NRDC: variants seen among roughly 807,000 people sequenced by gnomAD.
NRDC encodes nardilysin convertase, also known as nardilysin.
In NRDC, 54 loss-of-function variants were observed where a neutral mutation model predicts 147.1. The observed-to-expected ratio is 0.37, with a 90% CI of 0.29 to 0.46. The LOEUF is 0.46. NRDC is among the 20% of genes least tolerant of loss of function. NRDC has a pLI of 1.00. For missense variants in NRDC, 1,082 were observed against 1,370.6 expected (o/e 0.79, Z 3.33); for synonymous variants, 440 against 482.1 (o/e 0.91, Z 1.14).
chr1:51,809,236 C>T, intron 17 of NRDC, 79 bp downstream of exon 17: 3 of 894,720 alleles, frequency 3.4e-6, no homozygotes, highest in Admixed American at 3.9e-5. Context: ...TCCTACGATA[C>T]TTTGTAAAAT....
chr1:51,814,547 T>C lies in NRDC; in HGVS notation c.1619+4A>G, dbSNP rs1679872480. On this transcript the variant is annotated splice_donor_region_variant and intron_variant, in intron 13 of 30. Transcript: ENST00000352171. ...CTGGCCTCATTCCAGGAAGTGTTTA[T>C]TACCTTTTTTCTGGGCCTAGCTTCT... is the stretch of plus-strand genomic sequence containing the variant. The C allele has an allele frequency of 2.5e-6, 4 of 1,613,324 alleles. No homozygotes were observed. Among genetic ancestry groups the C allele is most frequent in the Non-Finnish European group, 3.4e-6 (4 of 1,179,452 alleles).
chr1:51,833,671 T>C (rs777534232), intron 4 of NRDC, among the ~76,000 whole-genome samples: 1 of 152,060 alleles, frequency 6.6e-6, no homozygotes, highest in African/African-American at 2.4e-5. Flanking sequence ...TGCAGTGGTG[T>C]GACTGTAGCT....
intron 6 of NRDC, among the ~76,000 whole-genome samples, chr1:51,824,944 C>T (rs888676936): frequency 1.3e-5 from 2 of 152,192 alleles, no homozygotes; most frequent in Non-Finnish European, 1.5e-5. Flanking sequence ...TGAACCACCA[C>T]GCCTGGCCTA....
At chr1:51,843,460 T>C (rs1681374115) in intron 1 of NRDC, among the ~76,000 whole-genome samples, 1 of 152,224 alleles carries the variant, frequency 6.6e-6, no homozygotes, top group African/African-American at 2.4e-5. Flanking sequence ...CCTGCCATTA[T>C]TTGCCTTTCT....
chr1:51,834,236 C>A, intron 3 of NRDC, 66 bp from the exon 4 acceptor site: 1 of 1,518,382 alleles, frequency 6.6e-7, no homozygotes, highest in Non-Finnish European at 9.0e-7. Flanking sequence ...CACACATGAA[C>A]TTTCTTATAT....
intron 11 of NRDC, among the ~76,000 whole-genome samples, chr1:51,815,307 C>A (rs147563690): frequency 6.6e-6 from 1 of 151,726 alleles, no homozygotes; most frequent in Non-Finnish European, 1.5e-5. Context: ...CAGGCGTGAG[C>A]CACCGCGCCT....
intron 2 of NRDC, 40 bp downstream of exon 2, chr1:51,840,173 TAGAAGTTACCCAA>T: frequency 6.9e-7 from 1 of 1,457,864 alleles, no homozygotes; most frequent in South Asian, 1.4e-5. Context: ...AGCTTGAGTT[TAGAAGTTACCCAA>T]AGAATTCCCA....
chr1:51,861,061 T>A (rs1682507529), intron 1 of NRDC, among the ~76,000 whole-genome samples: 1 of 151,782 alleles, frequency 6.6e-6, no homozygotes, highest in Non-Finnish European at 1.5e-5. Context: ...GTGATTCTCC[T>A]GCCTCAGCCT....
chr1:51,799,061 A>AT (rs1436570224), intron 21 of NRDC: 1 of 152,246 alleles, frequency 6.6e-6, no homozygotes, highest in Non-Finnish European at 1.5e-5. Flanking sequence ...TTATTCTTTT[A>AT]TAAAGTAAAT....
intron 21 of NRDC, among the ~76,000 whole-genome samples, chr1:51,799,585 C>G (rs1679092256): frequency 6.6e-6 from 1 of 152,142 alleles, no homozygotes; most frequent in Non-Finnish European, 1.5e-5. Flanking sequence ...GCAAAACTGT[C>G]AAGTAGGGGC....
At chr1:51,823,360 G>A (rs1166503990) in intron 7 of NRDC, among the ~76,000 whole-genome samples, 1 of 152,116 alleles carries the variant, frequency 6.6e-6, no homozygotes, top group African/African-American at 2.4e-5. Flanking sequence ...GCTGAAGGTG[G>A]CTTAAAAGAT....
At chr1:51,827,772 T>C (rs1350421416) in intron 5 of NRDC, 24 bp downstream of exon 5, 1 of 1,593,952 alleles carries the variant, frequency 6.3e-7, no homozygotes, top group African/African-American at 1.3e-5. Context: ...AAAACTGTAG[T>C]TACACATAAA....
intron 1 of NRDC, among the ~76,000 whole-genome samples, chr1:51,863,030 A>AC (rs1682625927): frequency 6.7e-6 from 1 of 150,316 alleles, no homozygotes; most frequent in Non-Finnish European, 1.5e-5. Flanking sequence ...AAAAAAAAAA[A>AC]AAAAAAAACA....
chr1:51,871,798 C>T (rs910286061), intron 1 of NRDC, among the ~76,000 whole-genome samples: 1 of 152,150 alleles, frequency 6.6e-6, no homozygotes. Context: ...TCTCCTACAG[C>T]AGATCATAAG....
At chr1:51,813,529 T>G (rs1441267069) in intron 14 of NRDC, among the ~76,000 whole-genome samples, 1 of 152,020 alleles carries the variant, frequency 6.6e-6, no homozygotes, top group African/African-American at 2.4e-5. Flanking sequence ...ATGCCTGGGC[T>G]CAAGCAACCT....
chr1:51,840,025 C>G (rs894026553), intron 2 of NRDC: 3 of 456,860 alleles, frequency 6.6e-6, no homozygotes, highest in Non-Finnish European at 1.2e-5. Context: ...TCTTTATATT[C>G]CATTAGTTTA....
At chr1:51,823,623 G>A (rs191745667) in intron 7 of NRDC, 41 bp downstream of exon 7, 178 of 1,533,294 alleles carry the variant, frequency 1.2e-4, no homozygotes, top group Admixed American at 5.2e-4. Context: ...CTAAGAAAGC[G>A]CTACTTCAAG....
intron 4 of NRDC, among the ~76,000 whole-genome samples, chr1:51,832,931 T>C (rs1413099291): frequency 6.6e-6 from 1 of 152,138 alleles, no homozygotes; most frequent in Non-Finnish European, 1.5e-5. Flanking sequence ...TTCTATACAA[T>C]GTAAATAACA....
intron 26 of NRDC, 38 bp downstream of exon 26, chr1:51,792,008 C>T: frequency 6.2e-7 from 1 of 1,609,870 alleles, no homozygotes. Flanking sequence ...AAGCCCTAGG[C>T]CCTTATTTGA....
Sources: gnomAD v4.1 joint callset for allele counts (sites outside exome capture counted in the v4.1 genomes callset) on GRCh38, gnomAD v4.1.1 for gene constraint, MANE v1.5 for transcripts, NCBI Gene and HGNC (gene_info 2026-07-23, HGNC 2026-07-21) for gene names.